MCM8: variants seen among roughly 807,000 people sequenced by gnomAD.
MCM8 encodes DNA helicase MCM8.
A neutral mutation model predicts 98.9 loss-of-function variants in MCM8; 85 were observed. That is an observed-to-expected ratio of 0.86 (90% confidence interval 0.72 to 1.03). The LOEUF is 1.03. Among genes scored for constraint, MCM8 ranks in the 50% least tolerant of loss-of-function variants. MCM8 has a pLI of 0.00. For missense variants in MCM8, 951 were observed against 997.8 expected (o/e 0.95, Z 0.63); for synonymous variants, 352 against 338.6 (o/e 1.04, Z -0.44).
At position 5,994,723 on chromosome 20, in the gene MCM8, A is replaced by T. The variant is rs1425804597; in HGVS notation, c.*332A>T. 2.2e-6 allele frequency: 1 copy of T among 445,108 alleles called. No homozygotes were observed. Among genetic ancestry groups the T allele is most frequent in the Non-Finnish European group, 4.4e-6 (1 of 227,902 alleles). 27.6% of individuals were successfully genotyped at this position (445,108 alleles called of 1,614,324 possible). The stretch of plus-strand genomic sequence containing the variant: ...GACCAACCTTGGGCAACATAGCAAG[A>T]CCCCATTTCTTAAAAAAAAAAAAAA... On this transcript the variant is annotated 3_prime_UTR_variant, in exon 19 of 19. Coordinates refer to ENST00000610722, the MANE Select transcript of MCM8 (RefSeq NM_032485.6).
intron 13 of MCM8, among the ~76,000 whole-genome samples, chr20:5,979,161 T>TG (rs1314228551): frequency 6.6e-6 from 1 of 152,350 alleles, no homozygotes; most frequent in East Asian, 1.9e-4. Context: ...TTGACACAGT[T>TG]AATCACTCCC....
intron 7 of MCM8, among the ~76,000 whole-genome samples, chr20:5,961,602 T>G (rs534078226): frequency 6.6e-6 from 1 of 152,312 alleles, no homozygotes; most frequent in Admixed American, 6.5e-5. Context: ...ACCTTTAGCT[T>G]AGAGGCCAGA....
rs1172678780 is a variant in MCM8, at chr20:5,989,120, C to CTTTTTTTTTTTTTTTT, written c.2240+1763_2240+1778dup. ...ACTGTTTACTATCAATAGCGCAAGT[C>CTTTTTTTTTTTTTTTT]TTTTTTTTTTTTTTTTGAGACAGTC... On this transcript the variant is annotated intron_variant, in intron 17 of 18. Coordinates refer to ENST00000610722, the MANE Select transcript of MCM8 (RefSeq NM_032485.6). Among the ~76,000 whole-genome samples, 50 of 120,310 alleles carry CTTTTTTTTTTTTTTTT rather than the reference C, an allele frequency of 4.2e-4. 1 individual carries two copies. Among genetic ancestry groups the CTTTTTTTTTTTTTTTT allele is most frequent in the Non-Finnish European group, 6.0e-4 (37 of 61,188 alleles). 78.9% of individuals were successfully genotyped at this position (120,310 alleles called of 152,430 possible).
intron 17 of MCM8, among the ~76,000 whole-genome samples, chr20:5,990,178 G>A (rs1218501610): frequency 1.3e-5 from 2 of 151,832 alleles, no homozygotes; most frequent in African/African-American, 2.4e-5. Context: ...GGGTTCAAGC[G>A]ATTCTCCTGC....
At chr20:5,979,132 C>T (rs2089577368) in intron 13 of MCM8, among the ~76,000 whole-genome samples, 1 of 152,220 alleles carries the variant, frequency 6.6e-6, no homozygotes, top group African/African-American at 2.4e-5. Context: ...ATTCTGAACC[C>T]AGGACCTGGT....
intron 12 of MCM8, among the ~76,000 whole-genome samples, chr20:5,975,495 CTCTTTTTTT>C (rs1206663412): frequency 7.2e-6 from 1 of 138,238 alleles, no homozygotes; most frequent in Non-Finnish European, 1.5e-5. Flanking sequence ...CCTTTTTTTG[CTCTTTTTTT>C]TTTTTTTTTT....
rs1199468184 is a variant in MCM8 at position 5,994,522 on chromosome 20, C to CACAG, written c.*132_*133insCAGA. On this transcript the variant is annotated 3_prime_UTR_variant, in exon 19 of 19. Transcript: ENST00000610722. ...ACACACACACACACACACACACACACAGTCAAATACTGTTCTCTGAAAAAT... is the reference window on the plus strand; with the variant it reads ...ACACACACACACACACACACACACACACAGAGTCAAATACTGTTCTCTGAAAAAT... 7.0e-6 allele frequency: 4 copies of CACAG among 571,404 alleles called. No homozygotes were observed. The highest frequency in any genetic ancestry group is 6.4e-5 in the Admixed American group (2 of 31,430). 35.4% of individuals were successfully genotyped at this position (571,404 alleles called of 1,614,324 possible).
intron 18 of MCM8, 147 bp downstream of exon 18, chr20:5,993,842 T>C (rs2089902756): frequency 1.7e-6 from 1 of 603,610 alleles, no homozygotes; most frequent in East Asian, 2.8e-5. Flanking sequence ...GAGGGAAACA[T>C]TGTAGTAAGA....
chr20:5,965,399 T>A (rs2089253584), intron 8 of MCM8: 1 of 152,222 alleles, frequency 6.6e-6, no homozygotes. Flanking sequence ...TTAACTTTAT[T>A]ACCAGAATAA....
chr20:5,953,778 C>CT (rs11479606), intron 3 of MCM8, among the ~76,000 whole-genome samples: 39,675 of 147,894 alleles, frequency 0.27, 6,542 homozygotes, highest in African/African-American at 0.48. Context: ...CAGCCGCATA[C>CT]TTTTTTTTTT....
At chr20:5,959,016 G>C (rs1225262298) in intron 7 of MCM8, among the ~76,000 whole-genome samples, 1 of 151,852 alleles carries the variant, frequency 6.6e-6, no homozygotes, top group East Asian at 1.9e-4. Context: ...CCATTCCCAG[G>C]GATGATCATT....
At chr20:5,983,374 ATATTAATCATT>A (rs1377649389) in intron 14 of MCM8, among the ~76,000 whole-genome samples, 1 of 152,216 alleles carries the variant, frequency 6.6e-6, no homozygotes, top group African/African-American at 2.4e-5. Context: ...AACATTTTAA[ATATTAATCATT>A]TTTGGCAAAG....
At chr20:5,977,640 A>G (rs1445890903) in intron 12 of MCM8, among the ~76,000 whole-genome samples, 1 of 152,216 alleles carries the variant, frequency 6.6e-6, no homozygotes, top group Non-Finnish European at 1.5e-5. Flanking sequence ...GTTTGATTGA[A>G]TCCTGACTTT....
chr20:5,994,230 A>C (rs1219613221), intron 18 of MCM8, 69 bp from the exon 19 acceptor site: 7 of 851,690 alleles, frequency 8.2e-6, no homozygotes, highest in Non-Finnish European at 1.3e-5. Context: ...ATTATTTGAG[A>C]GATTTATTTT....
At chr20:5,956,798 G>A (rs923658978) in intron 5 of MCM8, among the ~76,000 whole-genome samples, 9 of 151,858 alleles carry the variant, frequency 5.9e-5, no homozygotes, top group Admixed American at 4.6e-4. Context: ...TAGAGAAATA[G>A]GAATGCATTT....
At chr20:5,951,899 T>TACG in intron 1 of MCM8, 112 bp from the exon 2 acceptor site, 1 of 1,222,104 alleles carries the variant, frequency 8.2e-7, no homozygotes, top group Admixed American at 2.9e-5. Flanking sequence ...CAAGCCTGTT[T>TACG]GCTACTCTTG....
At chr20:5,953,626 A>T (rs1342705990) in intron 3 of MCM8, among the ~76,000 whole-genome samples, 2 of 151,904 alleles carry the variant, frequency 1.3e-5, no homozygotes, top group African/African-American at 4.8e-5. Flanking sequence ...GGCACCCGCC[A>T]CCACGCCCGG....
intron 14 of MCM8, among the ~76,000 whole-genome samples, chr20:5,983,436 A>C (rs553200264): frequency 1.6e-4 from 25 of 152,380 alleles, no homozygotes; most frequent in Non-Finnish European, 3.1e-4. Flanking sequence ...CGGGTGGCTT[A>C]TGCCTGTAAT....
At chr20:5,982,265 A>G (rs369252570) in intron 13 of MCM8, among the ~76,000 whole-genome samples, 21 of 152,004 alleles carry the variant, frequency 1.4e-4, no homozygotes, top group African/African-American at 5.1e-4. Context: ...TTTTCCATAT[A>G]CTCCTCTGTG....
Sources: gnomAD v4.1 joint callset for allele counts (sites outside exome capture counted in the v4.1 genomes callset) on GRCh38, gnomAD v4.1.1 for gene constraint, MANE v1.5 for transcripts, NCBI Gene and HGNC (gene_info 2026-07-23, HGNC 2026-07-21) for gene names.